DHRSX: variants seen among roughly 807,000 people sequenced by gnomAD.
DHRSX encodes the protein dehydrogenase/reductase X-linked, also known as polyprenol dehydrogenase.
In DHRSX, 31 loss-of-function variants were observed where a neutral mutation model predicts 34.0. That is an observed-to-expected ratio of 0.91 (90% CI 0.69 to 1.23). The LOEUF (loss-of-function observed/expected upper bound fraction) is 1.23. DHRSX is among the 50% of genes most tolerant of loss of function. The probability of loss-of-function intolerance (pLI) is 0.00; values close to 1 mark genes in which losing one functional copy is unlikely to be tolerated. For synonymous variants in DHRSX, 201 were observed against 183.8 expected (o/e 1.09, Z -0.76); for missense variants, 414 against 428.1 (o/e 0.97, Z 0.29).
At chrX:2,288,419 G>C (rs984737248) in intron 4 of DHRSX, among the ~76,000 whole-genome samples, 3 of 152,116 alleles carry the variant, frequency 2.0e-5, no homozygotes, top group Non-Finnish European at 4.4e-5. Context: ...ATTTTTAGTA[G>C]AGACAGGGTT....
intron 2 of DHRSX, among the ~76,000 whole-genome samples, chrX:2,413,830 A>G (rs2043660879): frequency 6.6e-6 from 1 of 152,112 alleles, no homozygotes; most frequent in Non-Finnish European, 1.5e-5. Context: ...ACTTAACCCA[A>G]ATAGATCTGA....
chrX:2,473,487 G>C (rs151338998), intron 1 of DHRSX, among the ~76,000 whole-genome samples: 30,116 of 150,202 alleles, frequency 0.2, 4,057 homozygotes, highest in African/African-American at 0.38. Flanking sequence ...GCCGGGCGTG[G>C]TGGCACATGC....
intron 3 of DHRSX, among the ~76,000 whole-genome samples, chrX:2,383,108 T>C (rs865856046): frequency 7.0e-5 from 10 of 141,872 alleles, no homozygotes; most frequent in African/African-American, 2.8e-4. Context: ...CCATCATCAT[T>C]ATTTCTATCA....
At chrX:2,456,535 A>T (rs1286351573) in intron 1 of DHRSX, among the ~76,000 whole-genome samples, 2 of 150,986 alleles carry the variant, frequency 1.3e-5, no homozygotes, top group Non-Finnish European at 2.9e-5. Context: ...AATGGCTTGA[A>T]CACAGGAGGC....
intron 1 of DHRSX, among the ~76,000 whole-genome samples, chrX:2,452,937 A>AG (rs1169725779): frequency 9.2e-5 from 14 of 152,246 alleles, no homozygotes; most frequent in Non-Finnish European, 1.8e-4. Flanking sequence ...TGTGCACTGC[A>AG]GCACTACTCA....
intron 3 of DHRSX, among the ~76,000 whole-genome samples, chrX:2,314,211 AGGG>A: frequency 8.0e-5 from 1 of 12,450 alleles, no homozygotes; most frequent in Non-Finnish European, 1.5e-4. Flanking sequence ...GAAGAGAGGG[AGGG>A]AAGGAGGGAA....
intron 2 of DHRSX, among the ~76,000 whole-genome samples, chrX:2,419,825 G>C (rs932992531): frequency 5.2e-4 from 67 of 128,508 alleles, no homozygotes; most frequent in Non-Finnish European, 3.0e-4. Context: ...TTGTGGGGTG[G>C]GGGGAGGGGG....
At chrX:2,360,403 T>A (rs1449962869) in intron 3 of DHRSX, among the ~76,000 whole-genome samples, 1 of 152,052 alleles carries the variant, frequency 6.6e-6, no homozygotes, top group African/African-American at 2.4e-5. Context: ...ACCAACATGG[T>A]GAAACCCTGT....
intron 1 of DHRSX, among the ~76,000 whole-genome samples, chrX:2,477,855 A>G (rs1484978495): frequency 3.3e-5 from 5 of 151,240 alleles, no homozygotes; most frequent in Non-Finnish European, 7.4e-5. Context: ...TCCGTCTCAA[A>G]AAAAAAAAAA....
chrX:2,229,032 C>T (rs1324332978), intron 6 of DHRSX, among the ~76,000 whole-genome samples: 1 of 152,072 alleles, frequency 6.6e-6, no homozygotes, highest in Non-Finnish European at 1.5e-5. Context: ...GGGCGGCAAA[C>T]GCTCAGCTCT....
intron 4 of DHRSX, among the ~76,000 whole-genome samples, chrX:2,290,602 G>A (rs1481056909): frequency 6.6e-6 from 1 of 152,202 alleles, no homozygotes; most frequent in Admixed American, 6.5e-5. Context: ...GGAATGTGCT[G>A]TCTTTATGGG....
At chrX:2,287,976 G>A (rs986658628) in intron 4 of DHRSX, among the ~76,000 whole-genome samples, 2 of 152,206 alleles carry the variant, frequency 1.3e-5, no homozygotes, top group African/African-American at 4.8e-5. Flanking sequence ...ACATGAAAAT[G>A]TGACTTTCAC....
At chrX:2,223,747 C>T (rs1279266690) in intron 6 of DHRSX, among the ~76,000 whole-genome samples, 3 of 152,068 alleles carry the variant, frequency 2.0e-5, no homozygotes, top group East Asian at 3.9e-4. Flanking sequence ...CTCTCTTTTG[C>T]GGCTGTGTTC....
At chrX:2,247,539 A>T (rs113990331) in intron 5 of DHRSX, among the ~76,000 whole-genome samples, 1 of 150,730 alleles carries the variant, frequency 6.6e-6, no homozygotes, top group Non-Finnish European at 1.5e-5. Flanking sequence ...CTGTAGTCCC[A>T]GCTACTCGGG....
intron 1 of DHRSX, among the ~76,000 whole-genome samples, chrX:2,439,045 T>A (rs868075317): frequency 2.5e-4 from 38 of 151,266 alleles, no homozygotes; most frequent in African/African-American, 2.4e-5. Context: ...CTCAGGAGGC[T>A]GGGGCAGGAG....
chrX:2,438,514 T>C (rs1452552878), intron 1 of DHRSX, among the ~76,000 whole-genome samples: 1 of 151,288 alleles, frequency 6.6e-6, no homozygotes, highest in African/African-American at 2.4e-5. Context: ...CTACTAAAAA[T>C]TAAAAAATTA....
At chrX:2,269,646 C>A (rs1436828967) in intron 4 of DHRSX, among the ~76,000 whole-genome samples, 4 of 152,158 alleles carry the variant, frequency 2.6e-5, no homozygotes, top group Non-Finnish European at 5.9e-5. Context: ...AAGCAATTTT[C>A]CTGCCTTAGC....
chrX:2,473,862 A>T (rs2044631443), intron 1 of DHRSX, among the ~76,000 whole-genome samples: 1 of 141,454 alleles, frequency 7.1e-6, no homozygotes, highest in African/African-American at 3.0e-5. Context: ...GGGGAGCTGC[A>T]GTGCCAGAAA....
chrX:2,407,149 G>A (rs2043565463), intron 3 of DHRSX, among the ~76,000 whole-genome samples: 1 of 152,126 alleles, frequency 6.6e-6, no homozygotes. Context: ...TTACCCTAAG[G>A]GACATAACTC....
Sources: gnomAD v4.1 joint callset for allele counts (sites outside exome capture counted in the v4.1 genomes callset) on GRCh38, gnomAD v4.1.1 for gene constraint, MANE v1.5 for transcripts, NCBI Gene and HGNC (gene_info 2026-07-23, HGNC 2026-07-21) for gene names.